The following AOPEP variants were observed in gnomAD, a reference collection of about 807,000 sequenced individuals.
AOPEP encodes the protein aminopeptidase O.
A neutral mutation model predicts 98.1 loss-of-function variants in AOPEP; 77 were observed. That is an observed-to-expected ratio of 0.78 (90% CI 0.65 to 0.95). The LOEUF (loss-of-function observed/expected upper bound fraction) is 0.95. AOPEP is among the 40% of genes least tolerant of loss of function. The pLI, the probability that AOPEP is intolerant of heterozygous loss-of-function variation, is 0.00. For missense variants in AOPEP, 1,024 were observed against 1,024.7 expected (o/e 1.00, Z 0.01); for synonymous variants, 346 against 365.3 (o/e 0.95, Z 0.60).
chr9:94,988,939 C>T (rs1315870326), intron 11 of AOPEP, among the ~76,000 whole-genome samples: 13 of 148,850 alleles, frequency 8.7e-5, no homozygotes, highest in African/African-American at 2.3e-4. Context: ...GACAAAGTCT[C>T]GGTCTGTCGC....
At chr9:94,960,373 T>C (rs2058733885) in intron 9 of AOPEP, among the ~76,000 whole-genome samples, 1 of 149,414 alleles carries the variant, frequency 6.7e-6, no homozygotes, top group Non-Finnish European at 1.5e-5. Flanking sequence ...ATCACGCCAC[T>C]GCACTCCAGC....
At chr9:94,793,401 T>C (rs372597878) in intron 4 of AOPEP, among the ~76,000 whole-genome samples, 9 of 151,058 alleles carry the variant, frequency 6.0e-5, no homozygotes, top group South Asian at 4.2e-4. Context: ...AAAGAGAGGC[T>C]GGGCGTGGTG....
chr9:94,957,024 A>G (rs1480358593), intron 9 of AOPEP, among the ~76,000 whole-genome samples: 1 of 152,204 alleles, frequency 6.6e-6, no homozygotes, highest in African/African-American at 2.4e-5. Flanking sequence ...GAAGTCTTAC[A>G]TGCTTGGTTG....
intron 9 of AOPEP, among the ~76,000 whole-genome samples, chr9:94,956,875 T>C (rs2058493303): frequency 6.6e-6 from 1 of 152,240 alleles, no homozygotes; most frequent in African/African-American, 2.4e-5. Flanking sequence ...GCACGTATAA[T>C]TTGAACACAG....
At chr9:94,963,024 G>A (rs1416423601) in intron 9 of AOPEP, among the ~76,000 whole-genome samples, 3 of 152,134 alleles carry the variant, frequency 2.0e-5, no homozygotes, top group East Asian at 1.9e-4. Context: ...GATTACAGGC[G>A]TGAGCCACCG....
At chr9:95,141,597 C>T in the AOPEP span, among the ~76,000 whole-genome samples, 2 of 152,118 alleles carry the variant, frequency 1.3e-5, no homozygotes, top group Non-Finnish European at 2.9e-5. Context: ...CCAGAGGTCT[C>T]ATTTTCCTGA....
chr9:95,110,193 T>C, the AOPEP span: 4 of 950,024 alleles, frequency 4.2e-6, no homozygotes, highest in Middle Eastern at 5.3e-4. Flanking sequence ...AGTTAGCTAG[T>C]AGAAGATGTG....
intron 4 of AOPEP, among the ~76,000 whole-genome samples, 176 bp downstream of exon 4, chr9:94,793,094 A>G (rs1405027152): frequency 1.3e-5 from 2 of 152,308 alleles, no homozygotes; most frequent in Non-Finnish European, 2.9e-5. Context: ...GGCTAGGCGC[A>G]GTGGCTCACG....
chr9:95,141,994 T>TG, the AOPEP span, among the ~76,000 whole-genome samples: 4 of 140,234 alleles, frequency 2.9e-5, no homozygotes, highest in South Asian at 9.7e-4. Flanking sequence ...GGTTTTTTTT[T>TG]TTTTTTTTTT....
At chr9:95,035,877 A>G (rs2064774266) in intron 13 of AOPEP, among the ~76,000 whole-genome samples, 1 of 151,858 alleles carries the variant, frequency 6.6e-6, no homozygotes, top group South Asian at 2.1e-4. Context: ...CTTGTCAGTA[A>G]AAGCAGGCAC....
chr9:95,126,434 G>T, the AOPEP span: 1 of 1,212,252 alleles, frequency 8.2e-7, no homozygotes, highest in Non-Finnish European at 1.2e-6. Context: ...ATTTCCCCAT[G>T]ATACAGCCAG....
intron 2 of AOPEP, among the ~76,000 whole-genome samples, chr9:94,767,787 AATCT>A (rs1238173411): frequency 3.3e-5 from 5 of 152,174 alleles, no homozygotes; most frequent in African/African-American, 1.2e-4. Context: ...CTTTACGTAA[AATCT>A]ATCTTTCTGA....
At chr9:95,106,122 C>T in the AOPEP span, among the ~76,000 whole-genome samples, 5 of 152,190 alleles carry the variant, frequency 3.3e-5, no homozygotes, top group Non-Finnish European at 5.9e-5. Context: ...CGCATCCTCA[C>T]GGGCGTTTCT....
At chr9:95,014,634 T>G (rs1189172228) in intron 13 of AOPEP, among the ~76,000 whole-genome samples, 2 of 152,236 alleles carry the variant, frequency 1.3e-5, no homozygotes, top group Non-Finnish European at 2.9e-5. Flanking sequence ...AAGCAGGATC[T>G]CTGCATCTAC....
intron 14 of AOPEP, among the ~76,000 whole-genome samples, chr9:95,077,191 C>T (rs1016894361): frequency 5.3e-5 from 8 of 152,202 alleles, no homozygotes; most frequent in African/African-American, 1.9e-4. Context: ...ATGTGTTTCT[C>T]CTGCCAGCAT....
At chr9:94,870,224 A>G (rs1326033775) in intron 5 of AOPEP, among the ~76,000 whole-genome samples, 1 of 152,096 alleles carries the variant, frequency 6.6e-6, no homozygotes, top group Non-Finnish European at 1.5e-5. Context: ...TCCTGACCTC[A>G]GGTGATCTGC....
chr9:94,836,901 A>ATT (rs57197506), intron 5 of AOPEP, among the ~76,000 whole-genome samples: 1 of 151,656 alleles, frequency 6.6e-6, no homozygotes, highest in African/African-American at 2.4e-5. Context: ...TTCAAGGTTC[A>ATT]TTTTTTTTGC....
intron 13 of AOPEP, among the ~76,000 whole-genome samples, chr9:95,039,648 T>C (rs1353854631): frequency 6.6e-6 from 1 of 152,192 alleles, no homozygotes; most frequent in Non-Finnish European, 1.5e-5. Context: ...ACATAAGTAA[T>C]ATTTCTCTCA....
chr9:94,922,076 G>T (rs959240627), intron 5 of AOPEP, among the ~76,000 whole-genome samples: 2 of 152,070 alleles, frequency 1.3e-5, no homozygotes, highest in Admixed American at 1.3e-4. Flanking sequence ...AACAAGGACT[G>T]CTCAAGGGGA....
Sources: allele counts gnomAD v4.1 joint callset (sites outside exome capture counted in the v4.1 genomes callset), GRCh38; gene constraint gnomAD v4.1.1; transcripts MANE v1.5; gene names NCBI Gene and HGNC (gene_info 2026-07-23, HGNC 2026-07-21).